MFHAS1: variants seen among roughly 807,000 people sequenced by gnomAD.
MFHAS1 encodes the protein malignant fibrous histiocytoma-amplified sequence 1.
Under a neutral mutation model 70.4 loss-of-function variants are expected in MFHAS1, and 50 were observed. The observed-to-expected ratio is 0.71, with a 90% CI of 0.57 to 0.90. The LOEUF (loss-of-function observed/expected upper bound fraction) is 0.90. Ranked by LOEUF, MFHAS1 falls within the 40% of genes least tolerant of loss-of-function variation. MFHAS1 has a pLI of 0.00. For missense variants in MFHAS1, 1,795 were observed against 1,347.6 expected (o/e 1.33, Z -5.20); for synonymous variants, 952 against 620.0 (o/e 1.54, Z -7.96).
intron 1 of MFHAS1, among the ~76,000 whole-genome samples, chr8:8,799,044 T>G (rs1024865934): frequency 7.0e-6 from 1 of 143,526 alleles, no homozygotes; most frequent in Non-Finnish European, 1.5e-5. Flanking sequence ...TGAGAATCTG[T>G]CTCAACAACA....
chr8:8,794,063 G>A (rs113730597), intron 2 of MFHAS1, among the ~76,000 whole-genome samples: 30,710 of 151,902 alleles, frequency 0.2, 3,378 homozygotes, highest in African/African-American at 0.27. Flanking sequence ...GGTTGTGTGC[G>A]CCTGTAGTCC....
intron 1 of MFHAS1, among the ~76,000 whole-genome samples, chr8:8,867,500 G>C (rs1808904156): frequency 6.6e-6 from 1 of 151,286 alleles, no homozygotes; most frequent in Non-Finnish European, 1.5e-5. Context: ...AATTTTAAAA[G>C]TATGCAAAGT....
intron 1 of MFHAS1, among the ~76,000 whole-genome samples, chr8:8,850,811 C>CAA (rs149181304): frequency 2.1e-4 from 22 of 105,442 alleles, no homozygotes; most frequent in Non-Finnish European, 3.1e-4. Context: ...AACTCCGTCT[C>CAA]AAAAAAAAAA....
intron 1 of MFHAS1, among the ~76,000 whole-genome samples, chr8:8,887,859 C>CAAAAAAAAAA (rs11300082): frequency 1.0e-5 from 1 of 95,502 alleles, no homozygotes. Context: ...GCAAAAAAAA[C>CAAAAAAAAAA]AAAAAAAAAA....
At chr8:8,838,025 A>G (rs1807666660) in intron 1 of MFHAS1, among the ~76,000 whole-genome samples, 2 of 152,244 alleles carry the variant, frequency 1.3e-5, no homozygotes, top group African/African-American at 4.8e-5. Context: ...AACTGGAAAC[A>G]GCCTCTATGT....
intron 1 of MFHAS1, among the ~76,000 whole-genome samples, chr8:8,870,888 G>T (rs556357876): frequency 6.6e-6 from 1 of 152,250 alleles, no homozygotes; most frequent in East Asian, 1.9e-4. Context: ...AATGTTAAAA[G>T]CAACCATGTG....
chr8:8,824,207 C>T (rs1807069558), intron 1 of MFHAS1, among the ~76,000 whole-genome samples: 1 of 151,888 alleles, frequency 6.6e-6, no homozygotes, highest in South Asian at 2.1e-4. Flanking sequence ...AGGCCACCTT[C>T]TCAGGGGCTC....
intron 2 of MFHAS1, among the ~76,000 whole-genome samples, chr8:8,793,166 G>A (rs1046856779): frequency 2.7e-5 from 4 of 148,816 alleles, no homozygotes; most frequent in Admixed American, 6.6e-5. Flanking sequence ...AGTAAATCAT[G>A]TTGTTAAAAC....
intron 1 of MFHAS1, among the ~76,000 whole-genome samples, chr8:8,819,824 G>A (rs540446211): frequency 3.9e-4 from 60 of 151,994 alleles, no homozygotes; most frequent in African/African-American, 1.4e-3. Flanking sequence ...TCAGCCTCCC[G>A]AGTTTCTGAG....
Position 8,892,324 on chromosome 8 carries a change from G to T in MFHAS1, c.735C>A (p.Gly245=), listed in dbSNP as rs1207276203. 2.5e-6 allele frequency: 4 copies of T among 1,612,250 alleles called. No homozygotes were observed. Among genetic ancestry groups the T allele is most frequent in the Non-Finnish European group, 3.4e-6 (4 of 1,180,002 alleles). The change falls in exon 1 of 3, where the codon GGC becomes GGA. Residue 245 remains glycine, a synonymous_variant. Transcript: ENST00000276282. The surrounding 1 kb of genome is among the most constrained non-coding windows in gnomAD (Gnocchi z 4.7). ...SGAELGTLPA[G]FCELASLESL... is the part of the protein sequence containing the mutation. ...TCTCCAAACTGGCCAGCTCGCAGAA[G>T]CCGGCGGGCAGCGTGCCAAGCTCGG...
At chr8:8,886,928 C>T (rs1809778491) in intron 1 of MFHAS1, among the ~76,000 whole-genome samples, 1 of 152,150 alleles carries the variant, frequency 6.6e-6, no homozygotes, top group Admixed American at 6.6e-5. Context: ...GAGTTCAAGA[C>T]CAGCCTGGCC....
chr8:8,868,172 T>C (rs913834739), intron 1 of MFHAS1, among the ~76,000 whole-genome samples: 1 of 152,018 alleles, frequency 6.6e-6, no homozygotes, highest in Admixed American at 6.6e-5. Flanking sequence ...TGCTTATTCC[T>C]TGCTGCAAGG....
At chr8:8,851,080 C>T (rs893526334) in intron 1 of MFHAS1, among the ~76,000 whole-genome samples, 3 of 152,122 alleles carry the variant, frequency 2.0e-5, no homozygotes, top group African/African-American at 7.2e-5. Context: ...ATAAGCGTGC[C>T]TCAAGAGGTT....
intron 1 of MFHAS1, among the ~76,000 whole-genome samples, chr8:8,829,407 G>GCCATGGC (rs996467649): frequency 6.6e-6 from 1 of 152,210 alleles, no homozygotes; most frequent in African/African-American, 2.4e-5. Flanking sequence ...TCTGTCCAGC[G>GCCATGGC]CCATGGCCCA....
Position 8,890,671 on chromosome 8 carries a change from C to A in MFHAS1, c.2388G>T (p.Gly796=). The change falls in exon 1 of 3, where the codon GGG becomes GGT. Residue 796 remains glycine (G), a synonymous_variant. Coordinates refer to ENST00000276282, the MANE Select transcript of MFHAS1 (RefSeq NM_004225.3). ...HQYVEGFLLH[G]LLPAHVIRLL... ...ACCGAATGACATGAGCTGGCAAGAGCCCATGCAACAGAAAGCCCTCCACAT... is the reference window on the plus strand; with the variant it reads ...ACCGAATGACATGAGCTGGCAAGAGACCATGCAACAGAAAGCCCTCCACAT... The A allele has an allele frequency of 1.2e-6, 2 of 1,613,410 alleles. No individual in the cohort carries two copies. Among genetic ancestry groups the A allele is most frequent in the Non-Finnish European group, 1.7e-6 (2 of 1,179,554 alleles).
chr8:8,823,212 T>A (rs1585035618), intron 1 of MFHAS1, among the ~76,000 whole-genome samples: 1 of 152,352 alleles, frequency 6.6e-6, no homozygotes, highest in African/African-American at 2.4e-5. Context: ...ATTTTTCTCA[T>A]TAACTGTAAA....
At chr8:8,798,863 A>G (rs1164905581) in intron 1 of MFHAS1, among the ~76,000 whole-genome samples, 2 of 152,118 alleles carry the variant, frequency 1.3e-5, no homozygotes, top group Admixed American at 6.5e-5. Flanking sequence ...CCTGGCCAAT[A>G]AGGTGAAACT....
chr8:8,800,619 C>A (rs549641930), intron 1 of MFHAS1, among the ~76,000 whole-genome samples: 1 of 152,216 alleles, frequency 6.6e-6, no homozygotes, highest in Non-Finnish European at 1.5e-5. Flanking sequence ...AACACTCTTA[C>A]TTCTGAGACT....
chr8:8,864,789 G>GA (rs1200231947), intron 1 of MFHAS1, among the ~76,000 whole-genome samples: 1 of 152,032 alleles, frequency 6.6e-6, no homozygotes, highest in Non-Finnish European at 1.5e-5. Context: ...AGGCACTAGG[G>GA]AAAAAAGGAA....
Sources: allele counts gnomAD v4.1 joint callset (sites outside exome capture counted in the v4.1 genomes callset), GRCh38; gene constraint gnomAD v4.1.1; non-coding constraint Gnocchi (gnomAD v3.1); transcripts MANE v1.5; gene names NCBI Gene and HGNC (gene_info 2026-07-23, HGNC 2026-07-21).